PTGER3: variants seen among roughly 807,000 people sequenced by gnomAD.
PTGER3 encodes prostaglandin E receptor 3, also known as prostaglandin E2 receptor EP3 subtype.
PTGER3 carries 22 observed loss-of-function variants against 34.7 expected under a neutral mutation model. The observed-to-expected ratio is 0.63, with a 90% CI of 0.45 to 0.91. The LOEUF is 0.91. Among genes scored for constraint, PTGER3 ranks in the 40% least tolerant of loss-of-function variants. The pLI is 0.00. For synonymous variants in PTGER3, 241 were observed against 230.1 expected (o/e 1.05, Z -0.43); for missense variants, 468 against 519.4 (o/e 0.90, Z 0.96).
chr1:70,976,620 T>C (rs1296928004), intron 2 of PTGER3, among the ~76,000 whole-genome samples: 1 of 152,186 alleles, frequency 6.6e-6, no homozygotes, highest in African/African-American at 2.4e-5. Context: ...TCCTGCATAT[T>C]GTTTCCAAGG....
chr1:71,039,611 C>G (rs1454564083), intron 1 of PTGER3, among the ~76,000 whole-genome samples: 1 of 136,048 alleles, frequency 7.4e-6, no homozygotes, highest in Non-Finnish European at 1.5e-5. Flanking sequence ...GATTGCGCCA[C>G]TGCACTCCAG....
At chr1:70,998,929 C>G (rs1204164508) in intron 2 of PTGER3, among the ~76,000 whole-genome samples, 5 of 152,114 alleles carry the variant, frequency 3.3e-5, no homozygotes, top group Admixed American at 1.3e-4. Context: ...CGCCTGTAAT[C>G]CCAGCACTTC....
At chr1:70,864,983 G>A (rs1352652619) in intron 4 of PTGER3, among the ~76,000 whole-genome samples, 1 of 152,172 alleles carries the variant, frequency 6.6e-6, no homozygotes, top group Non-Finnish European at 1.5e-5. Context: ...AAAAGAAAGT[G>A]GCCATCTATC....
At chr1:70,986,887 C>T (rs571028364) in intron 2 of PTGER3, among the ~76,000 whole-genome samples, 3 of 152,268 alleles carry the variant, frequency 2.0e-5, no homozygotes, top group African/African-American at 7.2e-5. Context: ...AGATCAAGAA[C>T]CCATCTCCTA....
At chr1:70,954,798 G>C (rs1436347266) in intron 2 of PTGER3, among the ~76,000 whole-genome samples, 1 of 151,554 alleles carries the variant, frequency 6.6e-6, no homozygotes. Flanking sequence ...TTGAAATTCT[G>C]TTTTCTACAT....
At chr1:70,992,774 C>T (rs1167907045) in intron 2 of PTGER3, among the ~76,000 whole-genome samples, 1 of 152,160 alleles carries the variant, frequency 6.6e-6, no homozygotes, top group Admixed American at 6.5e-5. Context: ...TAATTAAAGC[C>T]TCACCCTACA....
intron 2 of PTGER3, among the ~76,000 whole-genome samples, chr1:70,981,687 G>T (rs7524846): frequency 0.057 from 8,590 of 152,004 alleles, 427 homozygotes; most frequent in African/African-American, 0.13. Context: ...GGGATTACAG[G>T]CATGAGCCAC....
chr1:70,893,498 G>C (rs542524701), intron 4 of PTGER3, among the ~76,000 whole-genome samples: 41 of 152,156 alleles, frequency 2.7e-4, no homozygotes, highest in Non-Finnish European at 5.1e-4. Flanking sequence ...GAGCTGAGGA[G>C]GCTACATCAC....
chr1:71,003,560 C>T (rs1382445036), intron 2 of PTGER3, among the ~76,000 whole-genome samples: 2 of 152,022 alleles, frequency 1.3e-5, no homozygotes, highest in African/African-American at 4.8e-5. Flanking sequence ...CACTTTTCAA[C>T]CTGTTTTGGG....
At chr1:70,960,582 T>C (rs1464487824) in intron 2 of PTGER3, among the ~76,000 whole-genome samples, 1 of 152,000 alleles carries the variant, frequency 6.6e-6, no homozygotes, top group African/African-American at 2.4e-5. Context: ...ATATGAGAAA[T>C]GAGAGACCAT....
intron 4 of PTGER3, among the ~76,000 whole-genome samples, chr1:70,881,618 C>G (rs1415494186): frequency 6.6e-6 from 1 of 151,702 alleles, no homozygotes; most frequent in Non-Finnish European, 1.5e-5. Context: ...TTTTTTGGTG[C>G]CCTTGAGGGT....
chr1:70,972,715 A>T (rs1363255669), intron 3 of PTGER3, among the ~76,000 whole-genome samples: 1 of 152,094 alleles, frequency 6.6e-6, no homozygotes. Flanking sequence ...AGAATTTGCA[A>T]ATGGTCTGAG....
At chr1:71,034,720 T>C (rs865954307) in intron 1 of PTGER3, among the ~76,000 whole-genome samples, 1 of 152,262 alleles carries the variant, frequency 6.6e-6, no homozygotes, top group South Asian at 2.1e-4. Context: ...TGAATTTTTC[T>C]AATACAAAGA....
chr1:70,873,416 C>T (rs1318467205), intron 4 of PTGER3, among the ~76,000 whole-genome samples: 1 of 152,078 alleles, frequency 6.6e-6, no homozygotes, highest in African/African-American at 2.4e-5. Context: ...ATTTCATGGG[C>T]ACGGTGAGTC....
At chr1:70,940,712 C>A (rs1300047888) in intron 4 of PTGER3, among the ~76,000 whole-genome samples, 1 of 152,154 alleles carries the variant, frequency 6.6e-6, no homozygotes, top group Admixed American at 6.5e-5. Flanking sequence ...CCCCATGATT[C>A]AATTACCTCC....
intron 4 of PTGER3, among the ~76,000 whole-genome samples, chr1:70,941,162 T>C (rs1293301591): frequency 6.6e-6 from 1 of 152,148 alleles, no homozygotes; most frequent in East Asian, 1.9e-4. Flanking sequence ...ATATAAAGAG[T>C]TGTCAAGTCT....
At chr1:70,928,582 A>C (rs1648368110) in intron 4 of PTGER3, among the ~76,000 whole-genome samples, 2 of 151,894 alleles carry the variant, frequency 1.3e-5, no homozygotes, top group African/African-American at 2.4e-5. Context: ...GCATTGAGCC[A>C]TGACAGTGCC....
At chr1:70,953,298 G>A (rs994134448) in intron 3 of PTGER3, among the ~76,000 whole-genome samples, 2 of 152,036 alleles carry the variant, frequency 1.3e-5, no homozygotes, top group Non-Finnish European at 2.9e-5. Context: ...ATTTTGGTAG[G>A]GGGAAGGTGG....
At chr1:70,928,953 G>C in intron 4 of PTGER3, among the ~76,000 whole-genome samples, 1 of 151,528 alleles carries the variant, frequency 6.6e-6, no homozygotes, top group East Asian at 1.9e-4. Context: ...CCAGGAACTA[G>C]GGAACCCAAA....
Sources: gnomAD v4.1 joint callset for allele counts (sites outside exome capture counted in the v4.1 genomes callset) on GRCh38, gnomAD v4.1.1 for gene constraint, MANE v1.5 for transcripts, NCBI Gene and HGNC (gene_info 2026-07-23, HGNC 2026-07-21) for gene names.